The following ARID4A variants were observed in gnomAD, a reference collection of about 807,000 sequenced individuals.
ARID4A encodes the protein AT-rich interactive domain-containing protein 4A.
A neutral mutation model predicts 148.6 loss-of-function variants in ARID4A; 39 were observed. That is an observed-to-expected ratio of 0.26 (90% CI 0.20 to 0.34). ARID4A has a LOEUF of 0.34. Among genes scored for constraint, ARID4A ranks in the 10% least tolerant of loss-of-function variants. The pLI, the probability that ARID4A is intolerant of heterozygous loss-of-function variation, is 1.00. For missense variants in ARID4A, 1,265 were observed against 1,449.1 expected (o/e 0.87, Z 2.06); for synonymous variants, 475 against 481.2 (o/e 0.99, Z 0.17).
At chr14:58,355,242 C>G (rs1462069609) in intron 17 of ARID4A, among the ~76,000 whole-genome samples, 1 of 152,012 alleles carries the variant, frequency 6.6e-6, no homozygotes, top group Non-Finnish European at 1.5e-5. Flanking sequence ...AACTCAAGTC[C>G]CTCATCTCTA....
chr14:58,364,341 A>C lies in ARID4A; in HGVS notation c.2252A>C (p.Gln751Pro). Reference sequence around the variant, plus strand: ...ATATTAAAAGAAAATGATAGGACTCAAATGCAGCCTTTAGAAACCCTGAAG... The same window carrying C: ...ATATTAAAAGAAAATGATAGGACTCCAATGCAGCCTTTAGAAACCCTGAAG... ...AHILKENDRT[Q>P]MQPLETLKLE... is the part of the protein sequence containing the mutation. The change falls in exon 20 of 24, where the codon CAA becomes CCA. Residue 751 changes from glutamine (Q) to proline (P), a missense_variant. Coordinates refer to ENST00000355431, the MANE Select transcript of ARID4A (RefSeq NM_002892.4). 1 of 1,586,006 alleles carries C rather than the reference A, an allele frequency of 6.3e-7. No homozygotes were observed. The highest frequency in any genetic ancestry group is 8.5e-7 in the Non-Finnish European group (1 of 1,172,708).
At chr14:58,299,692 G>T in intron 1 of ARID4A, 106 bp from the exon 2 acceptor site, 1 of 937,074 alleles carries the variant, frequency 1.1e-6, no homozygotes, top group Non-Finnish European at 1.7e-6. Context: ...CCCTTGGCTG[G>T]TGAGGATTCT....
intron 20 of ARID4A, 94 bp from the exon 21 acceptor site, chr14:58,365,420 TAAAA>T (rs983082118): frequency 1.1e-4 from 147 of 1,371,394 alleles, no homozygotes; most frequent in Non-Finnish European, 1.3e-4. Context: ...CTTTTCTTAT[TAAAA>T]AGAAAGAAAT....
At chr14:58,325,931 A>G (rs1224387796) in intron 8 of ARID4A, among the ~76,000 whole-genome samples, 3 of 152,110 alleles carry the variant, frequency 2.0e-5, no homozygotes, top group African/African-American at 7.2e-5. Flanking sequence ...AATAAAAAAT[A>G]AGTAAGACAC....
At chr14:58,367,702 T>C (rs2035417053) in intron 23 of ARID4A, among the ~76,000 whole-genome samples, 1 of 152,162 alleles carries the variant, frequency 6.6e-6, no homozygotes, top group Admixed American at 6.5e-5. Context: ...CAGTTAAACA[T>C]GAACATGTCC....
intron 5 of ARID4A, among the ~76,000 whole-genome samples, chr14:58,311,318 C>T (rs1018424132): frequency 6.6e-6 from 1 of 152,038 alleles, no homozygotes; most frequent in Non-Finnish European, 1.5e-5. Context: ...TACAAATGGC[C>T]CACAGGTATG....
At chr14:58,354,687 A>AT (rs1266214477) in intron 17 of ARID4A, among the ~76,000 whole-genome samples, 25 of 131,058 alleles carry the variant, frequency 1.9e-4, no homozygotes, top group African/African-American at 5.1e-4. Flanking sequence ...TGTCTCATAA[A>AT]TAAAAAAAAA....
At chr14:58,314,230 T>C in intron 5 of ARID4A, among the ~76,000 whole-genome samples, 1 of 152,228 alleles carries the variant, frequency 6.6e-6, no homozygotes, top group East Asian at 1.9e-4. Context: ...AAAAAGAAGC[T>C]AGACTTGCTA....
intron 11 of ARID4A, among the ~76,000 whole-genome samples, chr14:58,340,181 C>T (rs1319636135): frequency 6.6e-6 from 1 of 152,110 alleles, no homozygotes; most frequent in African/African-American, 2.4e-5. Context: ...AGGTGAATGC[C>T]AGCAAGTCAT....
chr14:58,361,146 CAT>C (rs1027901201), intron 19 of ARID4A, 104 bp downstream of exon 19: 4 of 1,450,720 alleles, frequency 2.8e-6, no homozygotes, highest in Non-Finnish European at 3.7e-6. Context: ...AAATCAATAA[CAT>C]AAATAATAAA....
At chr14:58,359,104 ACT>A (rs1435446019) in intron 17 of ARID4A, 26 bp from the exon 18 acceptor site, 65 of 1,418,286 alleles carry the variant, frequency 4.6e-5, no homozygotes, top group African/African-American at 7.6e-5. Flanking sequence ...GTTTGTACAA[ACT>A]CTTTTTTTTT....
rs533172142 is a variant in ARID4A, at chr14:58,364,725, A to G, written c.2636A>G (p.Asn879Ser). Residue 879 changes from asparagine (N) to serine (S), a missense_variant, in exon 20 of 24, where the codon AAT (asparagine) becomes AGT (serine). By Grantham distance (46) the Asn-to-Ser change is conservative. Coordinates refer to ENST00000355431, the MANE Select transcript of ARID4A (RefSeq NM_002892.4). ...ATTGAGAATGGAATGGAAATGACAA[A>G]TACTGTATCTCAAGAAAGGACCAGT... ...IRIENGMEMT[N>S]TVSQERTSDC... is the part of the protein sequence containing the mutation. The G allele has an allele frequency of 6.2e-7, 1 of 1,613,970 alleles. No homozygotes were observed. The highest frequency in any genetic ancestry group is 8.5e-7 in the Non-Finnish European group (1 of 1,179,962).
intron 8 of ARID4A, among the ~76,000 whole-genome samples, chr14:58,324,820 T>A (rs2033124572): frequency 6.6e-6 from 1 of 152,220 alleles, no homozygotes; most frequent in South Asian, 2.1e-4. Context: ...TAATTAGTAT[T>A]TACTGAGGAT....
intron 23 of ARID4A, among the ~76,000 whole-genome samples, chr14:58,368,330 A>G (rs1343716937): frequency 1.3e-5 from 2 of 152,216 alleles, no homozygotes; most frequent in African/African-American, 4.8e-5. Context: ...AAAGAAAATG[A>G]CCAGCCCAAG....
In ARID4A at chr14:58,301,630, G is replaced by A. The variant is rs776110314; in HGVS notation, c.57G>A (p.Lys19=). 5 of 1,613,972 alleles carry A rather than the reference G, an allele frequency of 3.1e-6. No homozygotes were observed. Among genetic ancestry groups the A allele is most frequent in the Non-Finnish European group, 4.2e-6 (5 of 1,179,990 alleles). Residue 19 remains lysine, a synonymous_variant, in exon 3 of 24, where the codon AAG becomes AAA. Coordinates refer to ENST00000355431, the MANE Select transcript of ARID4A (RefSeq NM_002892.4). The part of the protein sequence containing the change: ...YLTVGTDVSA[K]YRGAFCEAKI... Reference sequence around the variant, plus strand: ...CAGTGGGAACCGATGTCAGTGCCAAGTACCGAGGTGCCTTCTGTGAGGCAA... The same window carrying A: ...CAGTGGGAACCGATGTCAGTGCCAAATACCGAGGTGCCTTCTGTGAGGCAA...
intron 15 of ARID4A, among the ~76,000 whole-genome samples, chr14:58,350,869 CA>C (rs1487571768): frequency 6.6e-6 from 1 of 152,004 alleles, no homozygotes; most frequent in African/African-American, 2.4e-5. Flanking sequence ...AGTATATAGC[CA>C]AAGTAGACCT....
intron 20 of ARID4A, 51 bp from the exon 21 acceptor site, chr14:58,365,467 C>CTTTTTTTTTTTTTTTTTTT (rs71107938): frequency 1.6e-4 from 56 of 351,572 alleles, no homozygotes; most frequent in Middle Eastern, 7.5e-4. Context: ...TATACTTGCT[C>CTTTTTTTTTTTTTTTTTTT]TTTTTTTTTT....
intron 5 of ARID4A, among the ~76,000 whole-genome samples, chr14:58,311,954 G>A (rs1463623989): frequency 6.6e-6 from 1 of 152,024 alleles, no homozygotes; most frequent in East Asian, 1.9e-4. Flanking sequence ...GAGGGATTAG[G>A]TAAATGTCGG....
chr14:58,351,029 C>G (rs771375856), intron 15 of ARID4A, 44 bp from the exon 16 acceptor site: 8 of 1,545,750 alleles, frequency 5.2e-6, no homozygotes, highest in Non-Finnish European at 6.9e-6. Context: ...CTTTTTTCCC[C>G]TTTATAGTGA....
Sources: allele counts gnomAD v4.1 joint callset (sites outside exome capture counted in the v4.1 genomes callset), GRCh38; gene constraint gnomAD v4.1.1; transcripts MANE v1.5; gene names NCBI Gene and HGNC (gene_info 2026-07-23, HGNC 2026-07-21).